The following POMT1 variants were observed in gnomAD, a reference collection of about 807,000 sequenced individuals.
POMT1 encodes protein O-mannosyltransferase 1, also known as protein O-mannosyl-transferase 1.
Under a neutral mutation model 101.6 loss-of-function variants are expected in POMT1, and 85 were observed. The observed-to-expected ratio is 0.84, with a 90% CI of 0.70 to 1.00. The LOEUF is 1.00. Ranked by LOEUF, POMT1 falls within the 50% of genes least tolerant of loss-of-function variation. The pLI is 0.00. For synonymous variants in POMT1, 371 were observed against 383.0 expected (o/e 0.97, Z 0.37); for missense variants, 857 against 930.4 (o/e 0.92, Z 1.03).
chr9:131,513,229 T>C lies in POMT1; in HGVS notation c.1083-10T>C. On this transcript the variant is annotated splice_polypyrimidine_tract_variant and intron_variant, in intron 11 of 19. Coordinates refer to ENST00000402686, the MANE Select transcript of POMT1 (RefSeq NM_001077365.2). ...GCTCTGTGTGGTCCCGACAGCACTG[T>C]GTCTTCCAGGCACCAGCTGGTGGTG... The C allele has an allele frequency of 6.2e-7, 1 of 1,612,096 alleles. No homozygotes were observed. Among genetic ancestry groups the C allele is most frequent in the South Asian group, 1.1e-5 (1 of 91,052 alleles).
At chr9:131,518,617 C>T (rs1232400642) in intron 14 of POMT1, 80 bp downstream of exon 14, 3 of 1,457,104 alleles carry the variant, frequency 2.1e-6, no homozygotes, top group African/African-American at 2.8e-5. Flanking sequence ...GCTTCACCGC[C>T]TCTCTGCAGG....
chr9:131,511,771 C>T (rs1183585735), intron 10 of POMT1: 27 of 579,874 alleles, frequency 4.7e-5, no homozygotes, highest in Non-Finnish European at 7.9e-5. Context: ...AAACCCCTTG[C>T]TAGGTTGTAT....
In POMT1 at chr9:131,513,021, T is replaced by C. The variant is rs566485089; in HGVS notation, c.1083-218T>C. Among the ~76,000 whole-genome samples the C allele has an allele frequency of 9.2e-5, 14 of 152,360 alleles. 1 individual carries two copies. The South Asian group carries it at 2.9e-3, about 32-fold the overall frequency. On this transcript the variant is annotated intron_variant, in intron 11 of 19. Transcript: ENST00000402686. ...CAAATTCAGAGCAATGCAGGTGTGA[T>C]GACCGCGGGTAGAATCACATTCGGA...
chr9:131,519,336 A>T lies in POMT1; in HGVS notation c.1487-53A>T. 6.6e-7 allele frequency: 1 copy of T among 1,517,016 alleles called. No individual in the cohort carries two copies. The highest frequency in any genetic ancestry group is 8.9e-7 in the Non-Finnish European group (1 of 1,117,550). 94.0% of individuals were successfully genotyped at this position (1,517,016 alleles called of 1,614,324 possible). A position where few individuals can be genotyped will look rare whatever the true frequency, so the allele number is the denominator to read the frequency against. On this transcript the variant is annotated intron_variant, in intron 15 of 19. Transcript: ENST00000402686. The surrounding 1 kb of genome is among the most constrained non-coding windows in gnomAD (Gnocchi z 4.3). ...TGCTGCACTGACAGCTTCTGCTCTG[A>T]GCTCTTGACCTTGTGCTACTTCTAT... is the stretch of plus-strand genomic sequence containing the variant.
rs1403279794 is a variant in POMT1 at position 131,522,824 on chromosome 9, C to A, written c.2004-108C>A. 2.5e-6 allele frequency: 3 copies of A among 1,208,160 alleles called. No homozygotes were observed. Among genetic ancestry groups the A allele is most frequent in the Non-Finnish European group, 3.5e-6 (3 of 850,976 alleles). 74.8% of individuals were successfully genotyped at this position (1,208,160 alleles called of 1,614,324 possible). On this transcript the variant is annotated intron_variant, in intron 19 of 19. Coordinates refer to ENST00000402686, the MANE Select transcript of POMT1 (RefSeq NM_001077365.2). The surrounding 1 kb of genome is among the most constrained non-coding windows in gnomAD (Gnocchi z 5.5). ...AAGACACAGAAACCTGAAGGCAGAACCCCAGGCCTCGGGGGGTGACCGTGT... is the reference window on the plus strand; with the variant it reads ...AAGACACAGAAACCTGAAGGCAGAAACCCAGGCCTCGGGGGGTGACCGTGT...
chr9:131,505,701 C>G (rs1018233374), intron 2 of POMT1, among the ~76,000 whole-genome samples: 3 of 139,174 alleles, frequency 2.2e-5, no homozygotes, highest in African/African-American at 8.0e-5. Context: ...TCCTTTCATA[C>G]TTGCAGCCGT....
rs911833430 is a variant in POMT1 at position 131,518,993 on chromosome 9, T to C, written c.1486+36T>C. The C allele has an allele frequency of 3.7e-6, 6 of 1,612,116 alleles. No homozygotes were observed. The South Asian group carries it at 5.5e-5, about 15-fold the overall frequency. ...GGCGTGGCTTCCGCCGCTCCTGGAA[T>C]GTACTTTCAGCTGCTCAATATTTGA... On this transcript the variant is annotated intron_variant, in intron 15 of 19. Transcript: ENST00000402686.
Position 131,512,143 on chromosome 9 carries a change from G to T in POMT1, c.1082+7G>T. ...TTGTAAAGGATCCCAGGAGGTGAGT[G>T]CAGGTCCTGTGACTCCAGAGCAGAG... On this transcript the variant is annotated splice_region_variant and intron_variant, in intron 11 of 19. Coordinates refer to ENST00000402686, the MANE Select transcript of POMT1 (RefSeq NM_001077365.2). The T allele has an allele frequency of 6.2e-7, 1 of 1,613,668 alleles. No individual in the cohort carries two copies. The highest frequency in any genetic ancestry group is 8.5e-7 in the Non-Finnish European group (1 of 1,179,852).
In POMT1 at chr9:131,520,381, T is replaced by C. The variant is rs544870041; in HGVS notation, c.1698+188T>C. Among the ~76,000 whole-genome samples, 3 of 152,374 alleles carry C rather than the reference T, an allele frequency of 2.0e-5. No individual in the cohort carries two copies. The South Asian group carries it at 6.2e-4, about 32-fold the overall frequency. The stretch of plus-strand genomic sequence containing the variant: ...TGGAGCCAGGAGTAGGGGTGTGGCA[T>C]GTGTGCCTGTTGAAGGAAACCCGGC... On this transcript the variant is annotated intron_variant, in intron 17 of 19. Coordinates refer to ENST00000402686, the MANE Select transcript of POMT1 (RefSeq NM_001077365.2).
Position 131,509,783 on chromosome 9 carries a change from G to T in POMT1, c.580G>T (p.Gly194Trp), listed in dbSNP as rs1253154666. The change falls in exon 7 of 20, where the codon GGG becomes TGG. Residue 194 changes from glycine to tryptophan, a missense_variant. Physicochemically the swap from Gly to Trp is radical, Grantham distance 184. Transcript: ENST00000402686. ...CTGGTGGTTCTGGCTAACACTGACAGGGGTCGCTTGTTCCTGTGCAGTGGG... is the reference window on the plus strand; with the variant it reads ...CTGGTGGTTCTGGCTAACACTGACATGGGTCGCTTGTTCCTGTGCAGTGGG... Reference protein sequence around the residue: ...LSWWFWLTLTGVACSCAVGIK... With the variant: ...LSWWFWLTLTWVACSCAVGIK... 2 of 1,614,178 alleles carry T rather than the reference G, an allele frequency of 1.2e-6. No individual in the cohort carries two copies. Among genetic ancestry groups the T allele is most frequent in the Non-Finnish European group, 8.5e-7 (1 of 1,180,002 alleles).
chr9:131,504,744 TTA>T (rs1485641006), intron 2 of POMT1, among the ~76,000 whole-genome samples: 2 of 137,242 alleles, frequency 1.5e-5, no homozygotes, highest in African/African-American at 2.7e-5. Flanking sequence ...TATTAACTGA[TTA>T]ATGTGTGTAT....
At position 131,522,153 on chromosome 9, in the gene POMT1, C is replaced by A; in HGVS notation, c.1932C>A (p.Tyr644Ter). ...LMEKTLFLYH[Y>*]LPALTFQILL... ...AGAAGACACTCTTCCTCTACCACTACCTGCCCGCACTCACCTTCCAAATCC... is the reference window on the plus strand; with the variant it reads ...AGAAGACACTCTTCCTCTACCACTAACTGCCCGCACTCACCTTCCAAATCC... The change falls in exon 19 of 20, where the codon TAC becomes TAA. Residue 644 changes from tyrosine (Y) to a stop codon, truncating the protein, a stop_gained. Transcript: ENST00000402686. LOFTEE classifies it high-confidence loss of function. The surrounding 1 kb of genome is among the most constrained non-coding windows in gnomAD (Gnocchi z 5.5). 6.2e-7 allele frequency: 1 copy of A among 1,614,200 alleles called. No individual in the cohort carries two copies. The highest frequency in any genetic ancestry group is 8.5e-7 in the Non-Finnish European group (1 of 1,180,042).
intron 4 of POMT1, 109 bp from the exon 5 acceptor site, chr9:131,507,259 G>A: frequency 3.2e-6 from 5 of 1,549,780 alleles, no homozygotes; most frequent in African/African-American, 1.4e-5. Context: ...TTGTAAACGT[G>A]CATTTTAGAG....
chr9:131,504,755 A>ATGTGTGTGTGTG (rs1049729805), intron 2 of POMT1, among the ~76,000 whole-genome samples: 14 of 148,908 alleles, frequency 9.4e-5, no homozygotes, highest in African/African-American at 3.5e-4. Flanking sequence ...TAATGTGTGT[A>ATGTGTGTGTGTG]TGTGTGTGTG....
chr9:131,505,367 A>T (rs1280316192), intron 2 of POMT1, among the ~76,000 whole-genome samples: 1 of 141,678 alleles, frequency 7.1e-6, no homozygotes, highest in Non-Finnish European at 1.5e-5. Context: ...TGCGATCGTG[A>T]TTCTCCTACT....
rs762684037 is a variant in POMT1, at chr9:131,504,222, T to C, written c.4T>C (p.Trp2Arg). 3 of 1,613,972 alleles carry C rather than the reference T, an allele frequency of 1.9e-6. No individual in the cohort carries two copies. Among genetic ancestry groups the C allele is most frequent in the Non-Finnish European group, 2.5e-6 (3 of 1,180,008 alleles). ...CCTGAGCCCGCTTTTCTACAAGATG[T>C]GGGGATTTTTGAAGCGCCCTGTAGT... M[W>R]GFLKRPVVVT... Residue 2 changes from tryptophan (W) to arginine (R), a missense_variant, in exon 2 of 20, where the codon TGG becomes CGG. Physicochemically the swap from Trp to Arg is moderately radical, Grantham distance 101. Transcript: ENST00000402686.
Position 131,504,294 on chromosome 9 carries a change from G to C in POMT1, c.76G>C (p.Gly26Arg). 1.2e-6 allele frequency: 2 copies of C among 1,614,194 alleles called. No individual in the cohort carries two copies. The highest frequency in any genetic ancestry group is 1.7e-6 in the Non-Finnish European group (2 of 1,180,048). Residue 26 changes from glycine to arginine, a missense_variant, in exon 2 of 20, where the codon GGG becomes CGG. Coordinates refer to ENST00000402686, the MANE Select transcript of POMT1 (RefSeq NM_001077365.2). ...NLSLVALTGM[G>R]LLSRLWRLTY... ...GAGCCTTGTGGCCCTGACTGGGATG[G>C]GGTTACTGAGCCGGCTGTGGCGACT...
Position 131,519,958 on chromosome 9 carries a change from C to T in POMT1, c.1585-122C>T, listed in dbSNP as rs1418016974. On this transcript the variant is annotated intron_variant, in intron 16 of 19. Coordinates refer to ENST00000402686, the MANE Select transcript of POMT1 (RefSeq NM_001077365.2). The surrounding 1 kb of genome is among the most constrained non-coding windows in gnomAD (Gnocchi z 4.3). ...ATCATGCTGCCTCCGATGCATGATC[C>T]GAATGAACTTGAGCTGGGCCAGTCC... 9.2e-6 allele frequency: 7 copies of T among 763,682 alleles called. No individual in the cohort carries two copies. Among genetic ancestry groups the T allele is most frequent in the Admixed American group, 4.0e-5 (2 of 49,906 alleles). 47.3% of individuals were successfully genotyped at this position (763,682 alleles called of 1,614,324 possible).
In POMT1 at chr9:131,523,235, G is replaced by T; in HGVS notation, c.*129G>T. 8.7e-7 allele frequency: 1 copy of T among 1,144,602 alleles called. No individual in the cohort carries two copies. Among genetic ancestry groups the T allele is most frequent in the Non-Finnish European group, 1.3e-6 (1 of 793,744 alleles). The allele number at this position is 1,144,602 out of a possible 1,614,324, so 70.9% of individuals were successfully genotyped here. ...CGGGCTGGGCTGAGCAGGGCCTCTA[G>T]TGGAACACATGGGGGTCTCATTGAA... On this transcript the variant is annotated 3_prime_UTR_variant, in exon 20 of 20. Coordinates refer to ENST00000402686, the MANE Select transcript of POMT1 (RefSeq NM_001077365.2).
Sources: allele counts gnomAD v4.1 joint callset (sites outside exome capture counted in the v4.1 genomes callset), GRCh38; gene constraint gnomAD v4.1.1; non-coding constraint Gnocchi (gnomAD v3.1); transcripts MANE v1.5; gene names NCBI Gene and HGNC (gene_info 2026-07-23, HGNC 2026-07-21).